Variants in FRAS1 observed in about 807,000 individuals in gnomAD.
FRAS1 encodes the protein Fraser extracellular matrix complex subunit 1.
FRAS1 carries 290 observed loss-of-function variants against 435.2 expected under a neutral mutation model. The observed-to-expected ratio is 0.67, with a 90% confidence interval of 0.61 to 0.73. FRAS1 has a LOEUF of 0.73. Among genes scored for constraint, FRAS1 ranks in the 30% least tolerant of loss-of-function variants. The pLI is 0.00. For synonymous variants in FRAS1, 1,800 were observed against 1,851.0 expected (o/e 0.97, Z 0.71); for missense variants, 4,860 against 5,001.5 (o/e 0.97, Z 0.85).
chr4:78,513,277 G>GAA, intron 64 of FRAS1, 115 bp from the exon 65 acceptor site: 2 of 1,001,560 alleles, frequency 2.0e-6, no homozygotes, highest in Non-Finnish European at 3.0e-6. Context: ...GCTTCAGGAA[G>GAA]AAAAAAAAAT....
intron 14 of FRAS1, among the ~76,000 whole-genome samples, chr4:78,302,301 T>C (rs1353312827): frequency 6.6e-6 from 1 of 151,820 alleles, no homozygotes; most frequent in African/African-American, 2.4e-5. Context: ...TTATGAATAA[T>C]GCCGCAATAA....
At chr4:78,187,625 A>G (rs971813415) in intron 2 of FRAS1, among the ~76,000 whole-genome samples, 1 of 151,438 alleles carries the variant, frequency 6.6e-6, no homozygotes, top group African/African-American at 2.4e-5. Flanking sequence ...TTTTTCTGAG[A>G]TGGAGTCTTA....
chr4:78,212,358 C>T (rs1247186488), intron 2 of FRAS1, among the ~76,000 whole-genome samples: 3 of 152,072 alleles, frequency 2.0e-5, no homozygotes, highest in Non-Finnish European at 1.5e-5. Flanking sequence ...TGCCTCTTGT[C>T]TGAAGATGTG....
intron 4 of FRAS1, 25 bp downstream of exon 4, chr4:78,245,350 G>T (rs1725186668): frequency 2.1e-6 from 3 of 1,461,754 alleles, no homozygotes; most frequent in African/African-American, 1.4e-5. Context: ...ACTCACGGTT[G>T]ATTCTGTGTC....
chr4:78,390,776 A>G (rs1334336604), intron 29 of FRAS1, among the ~76,000 whole-genome samples: 1 of 152,234 alleles, frequency 6.6e-6, no homozygotes, highest in East Asian at 1.9e-4. Context: ...ATTAGTGAAG[A>G]TGGGCATGTA....
intron 2 of FRAS1, among the ~76,000 whole-genome samples, chr4:78,164,602 C>T (rs1721264584): frequency 6.6e-6 from 1 of 151,982 alleles, no homozygotes; most frequent in South Asian, 2.1e-4. Flanking sequence ...ATAACAGCTT[C>T]CCTATGGAAA....
chr4:78,378,806 T>G (rs1208549411), intron 26 of FRAS1, among the ~76,000 whole-genome samples: 1 of 152,136 alleles, frequency 6.6e-6, no homozygotes, highest in Non-Finnish European at 1.5e-5. Flanking sequence ...GCATGTTTAC[T>G]CCCATTCTGT....
rs9993527 is a variant in FRAS1 at position 78,123,591 on chromosome 4, T to C, written c.108+57575T>C. On this transcript the variant is annotated intron_variant, in intron 2 of 73. Transcript: ENST00000512123. Reference sequence around the variant, plus strand: ...GCAGTAAGGCCATTTTCACAATACTTATTCTTCCTATCCATGAGCATGGAA... The same window carrying C: ...GCAGTAAGGCCATTTTCACAATACTCATTCTTCCTATCCATGAGCATGGAA... 4.6e-5 allele frequency among the ~76,000 whole-genome samples: 7 copies of C among 152,080 alleles called. No individual in the cohort carries two copies. The East Asian group carries it at 5.8e-4, about 13-fold the overall frequency.
At position 78,218,098 on chromosome 4, in the gene FRAS1, T is replaced by TCACA. The variant is rs1553931228; in HGVS notation, c.109-19379_109-19376dup. The stretch of plus-strand genomic sequence containing the variant: ...CCTTCTCTCTCTCTCTCACTCTCTC[T>TCACA]CACACACACACACACACACACACAC... On this transcript the variant is annotated intron_variant, in intron 2 of 73. Transcript: ENST00000512123. 2.7e-3 allele frequency among the ~76,000 whole-genome samples: 109 copies of TCACA among 39,734 alleles called. 17 individuals are homozygous for TCACA. The highest frequency in any genetic ancestry group is 0.02 in the Middle Eastern group (1 of 50). 26.1% of individuals were successfully genotyped at this position (39,734 alleles called of 152,430 possible). A position where few individuals can be genotyped will look rare whatever the true frequency, so the allele number is the denominator to read the frequency against.
Position 78,327,706 on chromosome 4 carries a change from T to C in FRAS1, c.2138-5566T>C, listed in dbSNP as rs77984898. 8.1e-3 allele frequency among the ~76,000 whole-genome samples: 1,230 copies of C among 152,320 alleles called. 15 individuals carry two copies. The highest frequency in any genetic ancestry group is 0.027 in the African/African-American group (1,111 of 41,560). ...TTATTCATAGAACTTCTTTCAGATATCTCCCATATATGCTCTGTAATGGGT... is the reference window on the plus strand; with the variant it reads ...TTATTCATAGAACTTCTTTCAGATACCTCCCATATATGCTCTGTAATGGGT... On this transcript the variant is annotated intron_variant, in intron 18 of 73. Transcript: ENST00000512123.
At chr4:78,135,470 G>C (rs1719881945) in intron 2 of FRAS1, among the ~76,000 whole-genome samples, 1 of 152,186 alleles carries the variant, frequency 6.6e-6, no homozygotes, top group Non-Finnish European at 1.5e-5. Flanking sequence ...TGCAGAGAAA[G>C]CATGGAAATA....
At chr4:78,384,175 T>G (rs1578289367) in intron 28 of FRAS1, 32 bp downstream of exon 28, 8 of 1,364,694 alleles carry the variant, frequency 5.9e-6, no homozygotes, top group Non-Finnish European at 8.1e-6. Context: ...TTAATAATTT[T>G]ACATGACTAC....
At chr4:78,276,966 G>C (rs1238538627) in intron 9 of FRAS1, among the ~76,000 whole-genome samples, 2 of 152,184 alleles carry the variant, frequency 1.3e-5, no homozygotes, top group African/African-American at 4.8e-5. Context: ...GCTCTACCCA[G>C]TTCGAGCTTC....
intron 18 of FRAS1, 150 bp from the exon 19 acceptor site, chr4:78,333,122 A>C: frequency 2.6e-6 from 2 of 760,844 alleles, no homozygotes; most frequent in African/African-American, 1.8e-5. Flanking sequence ...TTTAGAGGGA[A>C]GTGTGTGAGA....
At chr4:78,133,221 G>A (rs1037891015) in intron 2 of FRAS1, among the ~76,000 whole-genome samples, 1 of 152,176 alleles carries the variant, frequency 6.6e-6, no homozygotes, top group African/African-American at 2.4e-5. Flanking sequence ...GCAACAACAT[G>A]TATGGAACTG....
rs770198744 is a variant in FRAS1 at position 78,429,111 on chromosome 4, C to T, written c.4728C>T (p.His1576=). 6 of 1,556,732 alleles carry T rather than the reference C, an allele frequency of 3.9e-6. No individual in the cohort carries two copies. The highest frequency in any genetic ancestry group is 1.7e-4 in the Middle Eastern group (1 of 6,018). Residue 1576 remains histidine, a synonymous_variant, in exon 36 of 74, where the codon CAC becomes CAT. Coordinates refer to ENST00000512123, the MANE Select transcript of FRAS1 (RefSeq NM_025074.7). ...KFHFTVSDGE[H]TSPEMVLTIH... is the part of the protein sequence containing the mutation. Reference sequence around the variant, plus strand: ...CCTTTTTAGTTTCAGATGGAGAACACACAAGTCCGGAGATGGTCCTCACCA... The same window carrying T: ...CCTTTTTAGTTTCAGATGGAGAACATACAAGTCCGGAGATGGTCCTCACCA...
chr4:78,275,614 C>T (rs1401496298), intron 9 of FRAS1, among the ~76,000 whole-genome samples: 1 of 152,136 alleles, frequency 6.6e-6, no homozygotes, highest in South Asian at 2.1e-4. Context: ...GTTGAGAATT[C>T]TTTTCTTTAA....
chr4:78,488,764 C>T, intron 58 of FRAS1, 111 bp from the exon 59 acceptor site: 2 of 924,624 alleles, frequency 2.2e-6, no homozygotes, highest in South Asian at 1.7e-5. Context: ...CTACCTTGGG[C>T]TTTGGTGGAG....
At chr4:78,475,373 TA>T in intron 53 of FRAS1, 64 bp from the exon 54 acceptor site, 1 of 1,579,720 alleles carries the variant, frequency 6.3e-7, no homozygotes, top group Non-Finnish European at 8.7e-7. Context: ...AGACAGGCAT[TA>T]AACAAGTTGT....
Sources: gnomAD v4.1 joint callset for allele counts (sites outside exome capture counted in the v4.1 genomes callset) on GRCh38, gnomAD v4.1.1 for gene constraint, MANE v1.5 for transcripts, NCBI Gene and HGNC (gene_info 2026-07-23, HGNC 2026-07-21) for gene names.